Variants in CARMIL2 observed in about 807,000 individuals in gnomAD.
CARMIL2 encodes the protein capping protein regulator and myosin 1 linker 2, also known as capping protein, Arp2/3 and myosin-I linker protein 2.
A neutral mutation model predicts 173.3 loss-of-function variants in CARMIL2; 96 were observed. The ratio of observed to expected loss-of-function variants is 0.55; its 90% confidence interval spans 0.47 to 0.66. CARMIL2 has a LOEUF of 0.66. CARMIL2 is among the 30% of genes least tolerant of loss of function. CARMIL2 has a pLI of 0.00. For synonymous variants in CARMIL2, 830 were observed against 817.1 expected, an observed-to-expected ratio of 1.02 and a Z score of -0.27; for missense variants, 1,771 against 1,906.7, an observed-to-expected ratio of 0.93 and a Z score of 1.33.
rs1445140173 is a variant in CARMIL2 at position 67,653,023 on chromosome 16, T to C, written c.2889T>C (p.Ala963=). The C allele has an allele frequency of 5.3e-5, 67 of 1,266,204 alleles. No individual in the cohort carries two copies. The highest frequency in any genetic ancestry group is 6.7e-5 in the Non-Finnish European group (66 of 989,976). 78.4% of individuals were successfully genotyped at this position (1,266,204 alleles called of 1,614,324 possible). ...GLHLVPFIHS[A]AEEAEPEPEL... Reference sequence around the variant, plus strand: ...CTTCTGGTGCTGTCCCCTCAGGTGCTGCTGAGGAAGCGGAGCCGGAGCCCG... The same window carrying C: ...CTTCTGGTGCTGTCCCCTCAGGTGCCGCTGAGGAAGCGGAGCCGGAGCCCG... Residue 963 remains alanine (A), a synonymous_variant, in exon 29 of 38, where the codon GCT becomes GCC. Coordinates refer to ENST00000334583, the MANE Select transcript of CARMIL2 (RefSeq NM_001013838.3). The surrounding 1 kb of genome is among the most constrained non-coding windows in gnomAD (Gnocchi z 7.4).
chr16:67,656,379 C>G (rs756918040), intron 34 of CARMIL2, 45 bp from the exon 35 acceptor site: 1 of 1,608,238 alleles, frequency 6.2e-7, no homozygotes, highest in South Asian at 1.1e-5. Context: ...TCAGACCTAT[C>G]GCCAATGCCT....
At position 67,646,467 on chromosome 16, in the gene CARMIL2, G is replaced by T. The variant is rs201619990; in HGVS notation, c.416G>T (p.Arg139Leu). The change falls in exon 6 of 38, where the codon CGG becomes CTG. Residue 139 changes from arginine to leucine, a missense_variant. By Grantham distance (102) the Arg-to-Leu change is moderately radical. Around this residue, in one of 3 missense-constraint regions of CARMIL2, gnomAD observed 944 missense variants for 975.6 expected, o/e 0.97. Coordinates refer to ENST00000334583, the MANE Select transcript of CARMIL2 (RefSeq NM_001013838.3). This position sits in a 1 kb window ranked among gnomAD's most constrained non-coding sequence, Gnocchi z 4.6. ...RRPTPASMLA[R>L]LERSSPSEST... ...CCCACACCAGCCTCCATGCTGGCTC[G>T]GCTGGAGAGAAGCAGCCCCTCGGAG... 1.9e-6 allele frequency: 3 copies of T among 1,613,412 alleles called. No homozygotes were observed. Among genetic ancestry groups the T allele is most frequent in the South Asian group, 2.2e-5 (2 of 91,068 alleles).
chr16:67,648,184 G>A lies in CARMIL2; in HGVS notation c.1204G>A (p.Gly402Arg). 6.2e-7 allele frequency: 1 copy of A among 1,608,636 alleles called. No homozygotes were observed. Among genetic ancestry groups the A allele is most frequent in the East Asian group, 2.2e-5 (1 of 44,790 alleles). ...GACCGGCAGGGCGGACTGGAGGGCG[G>A]GACGGGGAGGGCTCGGTCCCCCCGC... ...WMTGRADWRAGRGGLGPPAGV... is the reference protein window; with the variant it reads ...WMTGRADWRARRGGLGPPAGV... Residue 402 changes from glycine to arginine, a missense_variant, in exon 14 of 38, where the codon GGA becomes AGA. Gly to Arg is a moderately radical substitution (Grantham distance 125). Transcript: ENST00000334583. The surrounding 1 kb of genome is among the most constrained non-coding windows in gnomAD (Gnocchi z 6.1).
chr16:67,656,314 C>G lies in CARMIL2; in HGVS notation c.3814+15C>G, dbSNP rs1567637491. On this transcript the variant is annotated intron_variant, in intron 34 of 37. Transcript: ENST00000334583. Reference sequence around the variant, plus strand: ...TGTGTCTGCTGGTGAGTGAGGGCCACTGTGTGTGTTGGTAGTGGGAGCAGG... The same window carrying G: ...TGTGTCTGCTGGTGAGTGAGGGCCAGTGTGTGTGTTGGTAGTGGGAGCAGG... The G allele has an allele frequency of 1.2e-6, 2 of 1,613,866 alleles. No homozygotes were observed. Among genetic ancestry groups the G allele is most frequent in the African/African-American group, 1.3e-5 (1 of 75,052 alleles).
chr16:67,654,427 A>G lies in CARMIL2; in HGVS notation c.3317A>G (p.Lys1106Arg), dbSNP rs2052794692. 6.2e-7 allele frequency: 1 copy of G among 1,611,966 alleles called. No individual in the cohort carries two copies. Among genetic ancestry groups the G allele is most frequent in the Admixed American group, 1.7e-5 (1 of 59,776 alleles). Reference sequence around the variant, plus strand: ...CTGGGCACCCTCTTTGCCTTCAAGAAGCCTCGTTCAACGCGGGGTCCACGG... The same window carrying G: ...CTGGGCACCCTCTTTGCCTTCAAGAGGCCTCGTTCAACGCGGGGTCCACGG... The part of the protein sequence containing the change: ...KKLGTLFAFK[K>R]PRSTRGPRTD... Residue 1106 changes from lysine to arginine, a missense_variant, in exon 31 of 38, where the codon AAG becomes AGG. This residue lies in a region of CARMIL2 where 817 missense variants were observed against 903.5 expected (regional missense o/e 0.90). Transcript: ENST00000334583.
Position 67,651,895 on chromosome 16 carries a change from T to C in CARMIL2, c.2589-26T>C. 2 of 1,613,130 alleles carry C rather than the reference T, an allele frequency of 1.2e-6. No homozygotes were observed. Among genetic ancestry groups the C allele is most frequent in the Non-Finnish European group, 1.7e-6 (2 of 1,179,666 alleles). The stretch of plus-strand genomic sequence containing the variant: ...GCAAGGCTGAGCAAAGCCAGCCCAT[T>C]AACCCCTGTCCTCTCCTGCCCTTAG... On this transcript the variant is annotated intron_variant, in intron 25 of 37. Coordinates refer to ENST00000334583, the MANE Select transcript of CARMIL2 (RefSeq NM_001013838.3). This position sits in a 1 kb window ranked among gnomAD's most constrained non-coding sequence, Gnocchi z 4.2.
chr16:67,656,380 G>C (rs749935367), intron 34 of CARMIL2, 44 bp from the exon 35 acceptor site: 14 of 1,609,074 alleles, frequency 8.7e-6, no homozygotes, highest in Non-Finnish European at 1.2e-5. Context: ...CAGACCTATC[G>C]CCAATGCCTG....
Position 67,649,090 on chromosome 16 carries a change from A to T in CARMIL2, c.1606A>T (p.Met536Leu). 3.1e-6 allele frequency: 5 copies of T among 1,613,000 alleles called. No individual in the cohort carries two copies. The highest frequency in any genetic ancestry group is 3.4e-6 in the Non-Finnish European group (4 of 1,179,618). ...DLADNGFGSDMVTLVLAIGRS... is the reference protein window; with the variant it reads ...DLADNGFGSDLVTLVLAIGRS... ...GTCACCCCCAGGCTTCGGCTCAGAC[A>T]TGGTGACTCTGGTGCTGGCCATCGG... is the stretch of plus-strand genomic sequence containing the variant. The change falls in exon 18 of 38, where the codon ATG becomes TTG. Residue 536 changes from methionine to leucine, a missense_variant. Transcript: ENST00000334583. This position sits in a 1 kb window ranked among gnomAD's most constrained non-coding sequence, Gnocchi z 6.7.
At position 67,649,866 on chromosome 16, in the gene CARMIL2, G is replaced by A. The variant is rs773829109; in HGVS notation, c.1980G>A (p.Ala660=). The A allele has an allele frequency of 2.5e-6, 4 of 1,612,868 alleles. No individual in the cohort carries two copies. Among genetic ancestry groups the A allele is most frequent in the Middle Eastern group, 1.6e-4 (1 of 6,062 alleles). ...TGGGTCTGCTGGACGTGGCGCAGGCGCTGGAGCAGAACCACAGCCTGAAGG... is the reference window on the plus strand; with the variant it reads ...TGGGTCTGCTGGACGTGGCGCAGGCACTGGAGCAGAACCACAGCCTGAAGG... The part of the protein sequence containing the change: ...SALGLLDVAQ[A]LEQNHSLKAM... Residue 660 remains alanine, a synonymous_variant, in exon 21 of 38, where the codon GCG becomes GCA. Coordinates refer to ENST00000334583, the MANE Select transcript of CARMIL2 (RefSeq NM_001013838.3). The surrounding 1 kb of genome is among the most constrained non-coding windows in gnomAD (Gnocchi z 6.7).
At position 67,648,657 on chromosome 16, in the gene CARMIL2, C is replaced by T. The variant is rs745755046; in HGVS notation, c.1440-28C>T. ...CCCTGGAGCCCCCTGTCCCAGCTCC[C>T]GCCACCCCGTGTAACGTCCTCTCCC... On this transcript the variant is annotated intron_variant, in intron 15 of 37. Transcript: ENST00000334583. The surrounding 1 kb of genome is among the most constrained non-coding windows in gnomAD (Gnocchi z 6.1). 1.3e-6 allele frequency: 2 copies of T among 1,588,134 alleles called. No homozygotes were observed. Among genetic ancestry groups the T allele is most frequent in the South Asian group, 1.1e-5 (1 of 87,364 alleles).
Position 67,654,599 on chromosome 16 carries a change from G to A in CARMIL2, c.3489G>A (p.Arg1163=). The part of the protein sequence containing the change: ...GDTSSPDPAG[R]SRPRYTRDSK... The stretch of plus-strand genomic sequence containing the variant: ...CCAGCAGCCCTGACCCTGCCGGCAG[G>A]AGCCGACCTCGCTACACAAGAGATA... Residue 1163 remains arginine (R), a synonymous_variant, in exon 31 of 38, where the codon AGG becomes AGA. Transcript: ENST00000334583. 1 of 1,606,810 alleles carries A rather than the reference G, an allele frequency of 6.2e-7. No individual in the cohort carries two copies. Among genetic ancestry groups the A allele is most frequent in the Middle Eastern group, 1.7e-4 (1 of 6,028 alleles).
chr16:67,647,926 C>A lies in CARMIL2; in HGVS notation c.1039C>A (p.Pro347Thr), dbSNP rs372829897. The change falls in exon 13 of 38, where the codon CCT (proline) becomes ACT (threonine). Residue 347 changes from proline (P) to threonine (T), a missense_variant. Transcript: ENST00000334583. ...TLTHLDLSGN[P>T]GALGASEDSG... is the part of the protein sequence containing the mutation. ...GACCCACCTGGACCTTTCTGGGAAT[C>A]CTGGGGCGCTGGGGGCCTCCGAGGA... 1.2e-6 allele frequency: 2 copies of A among 1,610,558 alleles called. No individual in the cohort carries two copies. The highest frequency in any genetic ancestry group is 8.5e-7 in the Non-Finnish European group (1 of 1,178,328).
intron 22 of CARMIL2, chr16:67,650,670 G>A (rs1332931752): frequency 5.7e-6 from 1 of 175,630 alleles, no homozygotes; most frequent in Non-Finnish European, 1.2e-5. Flanking sequence ...CACAAACCCT[G>A]TTGTCTACCC....
In CARMIL2 at chr16:67,650,158, T is replaced by C. The variant is rs867132342; in HGVS notation, c.2184+8T>C. ...TCAGACCCCTCAGAGCAGGTCAATGTCCCCTCCCCAACCACGAGAGGTAGG... is the reference window on the plus strand; with the variant it reads ...TCAGACCCCTCAGAGCAGGTCAATGCCCCCTCCCCAACCACGAGAGGTAGG... On this transcript the variant is annotated splice_region_variant and intron_variant, in intron 22 of 37. Coordinates refer to ENST00000334583, the MANE Select transcript of CARMIL2 (RefSeq NM_001013838.3). 2.5e-6 allele frequency: 4 copies of C among 1,606,086 alleles called. No individual in the cohort carries two copies. The highest frequency in any genetic ancestry group is 1.7e-4 in the Middle Eastern group (1 of 6,056).
Position 67,647,137 on chromosome 16 carries a change from TGC to T in CARMIL2, c.634_635del (p.Ala212ProfsTer20). ...CCAGGGACCTGGCCTTGAGTGTGGC[TGC>T]CCTGTCCTACAACCTGTGGTTCCGG... ...GSRDLALSVA[A>X]LSYNLWFRCL... On this transcript the variant is annotated frameshift_variant, in exon 9 of 38. Coordinates refer to ENST00000334583, the MANE Select transcript of CARMIL2 (RefSeq NM_001013838.3). LOFTEE classifies it high-confidence loss of function. 1 of 1,613,794 alleles carries T rather than the reference TGC, an allele frequency of 6.2e-7. No homozygotes were observed. Among genetic ancestry groups the T allele is most frequent in the Non-Finnish European group, 8.5e-7 (1 of 1,179,858 alleles).
Position 67,654,091 on chromosome 16 carries a change from G to C in CARMIL2, c.3121-58G>C, listed in dbSNP as rs186333908. The C allele has an allele frequency of 2.6e-5, 28 of 1,093,982 alleles. 1 individual carries two copies. Among genetic ancestry groups the C allele is most frequent in the East Asian group, 2.2e-4 (8 of 35,778 alleles). The allele number at this position is 1,093,982 out of a possible 1,614,324, so 67.8% of individuals were successfully genotyped here. A position where few individuals can be genotyped will look rare whatever the true frequency, so the allele number is the denominator to read the frequency against. ...TCCAGGCTGCCGGCCGGGGGGGGGG[G>C]GGGGTAGAAGCCAGAGTTGCACTCA... On this transcript the variant is annotated intron_variant, in intron 29 of 37. Coordinates refer to ENST00000334583, the MANE Select transcript of CARMIL2 (RefSeq NM_001013838.3).
rs777930828 is a variant in CARMIL2, at chr16:67,656,536, T to A, written c.3927T>A (p.Asp1309Glu). ...ELRSRGWGQQDGPGPPSPGQS... is the reference protein window; with the variant it reads ...ELRSRGWGQQEGPGPPSPGQS... Reference sequence around the variant, plus strand: ...GGAGCCGTGGTTGGGGCCAACAGGATGGTCCAGGCCCTCCCTCCCCTGGTC... The same window carrying A: ...GGAGCCGTGGTTGGGGCCAACAGGAAGGTCCAGGCCCTCCCTCCCCTGGTC... The change falls in exon 35 of 38, where the codon GAT (aspartate) becomes GAA (glutamate). Residue 1309 changes from aspartate (D) to glutamate (E), a missense_variant. Coordinates refer to ENST00000334583, the MANE Select transcript of CARMIL2 (RefSeq NM_001013838.3). The A allele has an allele frequency of 6.2e-7, 1 of 1,613,472 alleles. No homozygotes were observed. The highest frequency in any genetic ancestry group is 8.5e-7 in the Non-Finnish European group (1 of 1,179,822).
intron 29 of CARMIL2, 24 bp from the exon 30 acceptor site, chr16:67,654,125 C>T (rs1443590077): frequency 3.4e-6 from 5 of 1,478,914 alleles, no homozygotes; most frequent in East Asian, 2.5e-5. Flanking sequence ...CAACCCTGAC[C>T]CCTGACCCCA....
At position 67,645,575 on chromosome 16, in the gene CARMIL2, G is replaced by C. The variant is rs1387783963; in HGVS notation, c.76G>C (p.Glu26Gln). 1.2e-6 allele frequency: 2 copies of C among 1,611,950 alleles called. No homozygotes were observed. The highest frequency in any genetic ancestry group is 2.2e-5 in the South Asian group (2 of 90,814). Residue 26 changes from glutamate to glutamine, a missense_variant, in exon 2 of 38, where the codon GAG (glutamate) becomes CAG (glutamine). Physicochemically the swap from Glu to Gln is conservative, Grantham distance 29. Coordinates refer to ENST00000334583, the MANE Select transcript of CARMIL2 (RefSeq NM_001013838.3). ...CAGGTTCCTGTGGCCCAAAGAGGTG[G>C]AGCTGCTGCTGAAAACCTGGCTACC... ...ITRFLWPKEV[E>Q]LLLKTWLPGE...
Sources: allele counts gnomAD v4.1 joint callset, GRCh38; gene constraint gnomAD v4.1.1; regional missense constraint gnomAD v4.1.1; non-coding constraint Gnocchi (gnomAD v3.1); transcripts MANE v1.5; gene names NCBI Gene and HGNC (gene_info 2026-07-23, HGNC 2026-07-21).